The following JARID2 variants were observed in gnomAD, a reference collection of about 807,000 sequenced individuals.
JARID2 encodes the protein protein Jumonji.
In JARID2, 21 loss-of-function variants were observed where a neutral mutation model predicts 125.6. That is an observed-to-expected ratio of 0.17 (90% CI 0.12 to 0.24). JARID2 has a LOEUF of 0.24. JARID2 is among the 10% of genes least tolerant of loss of function. JARID2 has a pLI of 1.00. For missense variants in JARID2, 1,303 were observed against 1,639.6 expected, an observed-to-expected ratio of 0.79 and a Z score of 3.55; for synonymous variants, 736 against 661.6, an observed-to-expected ratio of 1.11 and a Z score of -1.73.
chr6:15,332,133 G>A (rs1011046710), intron 1 of JARID2, among the ~76,000 whole-genome samples: 2 of 152,066 alleles, frequency 1.3e-5, no homozygotes, highest in African/African-American at 4.8e-5. Context: ...AAGGAAGGGT[G>A]GGGGGATTAG....
At chr6:15,476,727 T>G (rs1252347299) in intron 5 of JARID2, among the ~76,000 whole-genome samples, 8 of 152,246 alleles carry the variant, frequency 5.3e-5, no homozygotes, top group Admixed American at 1.3e-4. Context: ...CTCTTCCATA[T>G]ACAGAATCTC....
intron 3 of JARID2, among the ~76,000 whole-genome samples, chr6:15,432,037 C>T (rs376556629): frequency 5.3e-5 from 8 of 151,398 alleles, no homozygotes; most frequent in African/African-American, 1.7e-4. Context: ...AGTGTGTTAC[C>T]GGTGGAGGGT....
chr6:15,337,743 C>T (rs1011030490), intron 1 of JARID2, among the ~76,000 whole-genome samples: 1 of 152,040 alleles, frequency 6.6e-6, no homozygotes, highest in African/African-American at 2.4e-5. Flanking sequence ...GAAGGGTCCC[C>T]CTCCCAACTC....
intron 1 of JARID2, among the ~76,000 whole-genome samples, chr6:15,278,569 G>C (rs191029914): frequency 2.0e-5 from 3 of 152,098 alleles, no homozygotes; most frequent in African/African-American, 7.2e-5. Context: ...CTGGGCAACA[G>C]AGCAAGACTC....
At chr6:15,514,074 C>T (rs914326897) in intron 16 of JARID2, among the ~76,000 whole-genome samples, 1 of 152,262 alleles carries the variant, frequency 6.6e-6, no homozygotes, top group African/African-American at 2.4e-5. Flanking sequence ...CTGCCTGCCT[C>T]AGCTTTGGGG....
At chr6:15,275,938 A>C (rs1423274752) in intron 1 of JARID2, among the ~76,000 whole-genome samples, 5 of 152,120 alleles carry the variant, frequency 3.3e-5, no homozygotes, top group Non-Finnish European at 7.3e-5. Context: ...AGGGGGAAAA[A>C]AGTTAACAAT....
chr6:15,266,779 T>A (rs1175828411), intron 1 of JARID2, among the ~76,000 whole-genome samples: 1 of 152,122 alleles, frequency 6.6e-6, no homozygotes, highest in African/African-American at 2.4e-5. Flanking sequence ...CATGTCAGAG[T>A]CATCTCATGA....
At position 15,507,359 on chromosome 6, in the gene JARID2, C is replaced by T; in HGVS notation, c.2674C>T (p.Leu892Phe). The T allele has an allele frequency of 6.2e-7, 1 of 1,614,068 alleles. No individual in the cohort carries two copies. The highest frequency in any genetic ancestry group is 2.2e-5 in the East Asian group (1 of 44,868). The change falls in exon 11 of 18, where the codon CTC (leucine) becomes TTC (phenylalanine). Residue 892 changes from leucine (L) to phenylalanine (F), a missense_variant. Around this residue, in one of 11 missense-constraint regions of JARID2, gnomAD observed 27 missense variants for 108.7 expected, o/e 0.25. Transcript: ENST00000341776. ...SEPFSRHGWNLTVLPNNTGSI... is the reference protein window; with the variant it reads ...SEPFSRHGWNFTVLPNNTGSI... Reference sequence around the variant, plus strand: ...TCCCCTTTGCAGGCATGGATGGAACCTCACCGTCCTCCCCAATAACACAGG... The same window carrying T: ...TCCCCTTTGCAGGCATGGATGGAACTTCACCGTCCTCCCCAATAACACAGG...
chr6:15,339,595 GT>G (rs1295689282), intron 1 of JARID2, among the ~76,000 whole-genome samples: 1 of 149,652 alleles, frequency 6.7e-6, no homozygotes, highest in Non-Finnish European at 1.5e-5. Context: ...GAGTGCAATG[GT>G]GCGATCTCGG....
chr6:15,428,461 C>A (rs1310496294), intron 3 of JARID2, among the ~76,000 whole-genome samples: 3 of 152,096 alleles, frequency 2.0e-5, no homozygotes, highest in Admixed American at 2.0e-4. Flanking sequence ...TGATGTTGCC[C>A]TTCCTGTGTC....
At chr6:15,286,151 A>T (rs1247524162) in intron 1 of JARID2, among the ~76,000 whole-genome samples, 1 of 152,188 alleles carries the variant, frequency 6.6e-6, no homozygotes, top group African/African-American at 2.4e-5. Context: ...GTGGCTAAGT[A>T]AGTTAACAAG....
rs148424538 is a variant in JARID2, at chr6:15,264,612, AGTGTGT to A, written c.45+18052_45+18057del. Among the ~76,000 whole-genome samples the A allele has an allele frequency of 3.0e-3, 440 of 146,232 alleles. 1 individual carries two copies. Among genetic ancestry groups the A allele is most frequent in the Non-Finnish European group, 4.4e-3 (293 of 66,682 alleles). ...CACCTCAGTTTAGAAGGTAGGTGTG[AGTGTGT>A]GTGTGTGTGTGTGTGTGTGTGTGAG... On this transcript the variant is annotated intron_variant, in intron 1 of 17. Transcript: ENST00000341776.
intron 1 of JARID2, among the ~76,000 whole-genome samples, chr6:15,336,667 T>A (rs78339154): frequency 1.4e-4 from 20 of 146,914 alleles, no homozygotes; most frequent in East Asian, 6.2e-4. Context: ...TTTTTTTTTT[T>A]AATAGATTTG....
intron 2 of JARID2, among the ~76,000 whole-genome samples, chr6:15,381,392 G>GTTGA (rs1764582520): frequency 2.0e-5 from 3 of 150,140 alleles, no homozygotes; most frequent in Admixed American, 2.0e-4. Context: ...TTACCGAAGT[G>GTTGA]TTGATGTCTG....
intron 1 of JARID2, among the ~76,000 whole-genome samples, chr6:15,347,565 T>C (rs534453066): frequency 1.3e-5 from 2 of 152,300 alleles, no homozygotes; most frequent in East Asian, 3.9e-4. Flanking sequence ...GTATTATTGT[T>C]GAGCTTGTGT....
intron 3 of JARID2, among the ~76,000 whole-genome samples, chr6:15,446,274 G>GA (rs1767667952): frequency 6.6e-6 from 1 of 152,216 alleles, no homozygotes; most frequent in Non-Finnish European, 1.5e-5. Flanking sequence ...CCAGAAAGAG[G>GA]AGACTGCAGT....
intron 1 of JARID2, among the ~76,000 whole-genome samples, chr6:15,332,138 G>C (rs1166316504): frequency 8.5e-5 from 13 of 152,126 alleles, no homozygotes. Flanking sequence ...AGGGTGGGGG[G>C]ATTAGAATGT....
rs140126297 is a variant in JARID2, at chr6:15,376,647, C to T, written c.181+2395C>T. On this transcript the variant is annotated intron_variant, in intron 2 of 17. Transcript: ENST00000341776. ...GCTGAGACAGGAGGATCACTTGAAC[C>T]CAGGAGGTCAAGGCTGCATTGAGCT... 3.4e-3 allele frequency among the ~76,000 whole-genome samples: 511 copies of T among 152,180 alleles called. 2 individuals are homozygous for T. The highest frequency in any genetic ancestry group is 4.1e-3 in the Non-Finnish European group (282 of 67,990).
chr6:15,363,290 C>G (rs1243848943), intron 1 of JARID2, among the ~76,000 whole-genome samples: 1 of 152,188 alleles, frequency 6.6e-6, no homozygotes, highest in Non-Finnish European at 1.5e-5. Context: ...CGTGTAATCC[C>G]TGAACCAGCA....
Sources: gnomAD v4.1 joint callset for allele counts (sites outside exome capture counted in the v4.1 genomes callset) on GRCh38, gnomAD v4.1.1 for gene constraint, gnomAD v4.1.1 regional missense constraint, MANE v1.5 for transcripts, NCBI Gene and HGNC (gene_info 2026-07-23, HGNC 2026-07-21) for gene names.